HTRA3: variants seen among roughly 807,000 people sequenced by gnomAD.
HTRA3 encodes the protein serine protease HTRA3.
In HTRA3, 41 loss-of-function variants were observed where a neutral mutation model predicts 43.2. The ratio of observed to expected loss-of-function variants is 0.95; its 90% CI spans 0.74 to 1.23. The LOEUF (loss-of-function observed/expected upper bound fraction) is 1.23, where lower values mean the gene tolerates loss of function less well. Ranked by LOEUF, HTRA3 falls within the 50% of genes most tolerant of loss-of-function variation. The pLI is 0.00. For synonymous variants in HTRA3, 295 were observed against 287.9 expected (o/e 1.02, Z -0.25); for missense variants, 628 against 647.1 (o/e 0.97, Z 0.32).
In HTRA3 at chr4:8,270,036, C is replaced by G; in HGVS notation, c.68C>G (p.Ala23Gly). ...GCGCTGGCCCGGGAGCCCCCTGCGG[C>G]GCCGTGTCCCGCGCGCTGCGACGTG... is the stretch of plus-strand genomic sequence containing the variant. ...ALALAREPPAAPCPARCDVSR... is the reference protein window; with the variant it reads ...ALALAREPPAGPCPARCDVSR... Residue 23 changes from alanine (A) to glycine (G), a missense_variant, in exon 1 of 9, where the codon GCG becomes GGG. Ala to Gly is a moderately conservative substitution (Grantham distance 60). Coordinates refer to ENST00000307358, the MANE Select transcript of HTRA3 (RefSeq NM_053044.5). 4 of 1,379,928 alleles carry G rather than the reference C, an allele frequency of 2.9e-6. No individual in the cohort carries two copies. Among genetic ancestry groups the G allele is most frequent in the African/African-American group, 1.5e-5 (1 of 66,012 alleles). The allele number at this position is 1,379,928 out of a possible 1,614,324, so 85.5% of individuals were successfully genotyped here.
chr4:8,297,954 T>C lies in HTRA3; in HGVS notation c.1051+3753T>C, dbSNP rs1052352559. ...TGTCAGCCTTGTCCCTCTGTCCCTC[T>C]GTCCCTCTGGACTTCCCACATGCCT... On this transcript the variant is annotated intron_variant, in intron 6 of 8. Transcript: ENST00000307358. The surrounding 1 kb of genome is among the most constrained non-coding windows in gnomAD (Gnocchi z 5.8). Among the ~76,000 whole-genome samples the C allele has an allele frequency of 3.9e-5, 6 of 152,310 alleles. No individual in the cohort carries two copies. Among genetic ancestry groups the C allele is most frequent in the African/African-American group, 1.4e-4 (6 of 41,562 alleles).
At chr4:8,291,302 G>C (rs1035091552) in intron 3 of HTRA3, 68 bp from the exon 4 acceptor site, 1 of 1,396,952 alleles carries the variant, frequency 7.2e-7, no homozygotes, top group Non-Finnish European at 1.0e-6. Flanking sequence ...GCCAGGATCT[G>C]ACTCCGGTCC....
chr4:8,271,298 T>A (rs1014942461), intron 1 of HTRA3, among the ~76,000 whole-genome samples: 3 of 152,162 alleles, frequency 2.0e-5, no homozygotes, highest in East Asian at 1.9e-4. Flanking sequence ...AACTGAGCGC[T>A]CTATTCCTGT....
rs1168802351 is a variant in HTRA3, at chr4:8,282,505, C to T, written c.454C>T (p.Pro152Ser). The change falls in exon 2 of 9, where the codon CCA becomes TCA. Residue 152 changes from proline to serine, a missense_variant. By Grantham distance (74) the Pro-to-Ser change is moderately conservative. Transcript: ENST00000307358. ...FIADVVEKIA[P>S]AVVHIELFLR... ...TGCTGACGTGGTGGAGAAGATCGCA[C>T]CAGCCGTGGTCCACATAGAGCTCTT... The T allele has an allele frequency of 6.2e-7, 1 of 1,613,982 alleles. No individual in the cohort carries two copies. The highest frequency in any genetic ancestry group is 8.5e-7 in the Non-Finnish European group (1 of 1,179,976).
intron 2 of HTRA3, among the ~76,000 whole-genome samples, chr4:8,285,823 G>A (rs888349323): frequency 2.0e-5 from 3 of 152,236 alleles, no homozygotes; most frequent in African/African-American, 7.2e-5. Context: ...TGCCCTCGGG[G>A]TGTCCAGGGC....
At chr4:8,273,804 G>C (rs1712404697) in intron 1 of HTRA3, among the ~76,000 whole-genome samples, 1 of 149,646 alleles carries the variant, frequency 6.7e-6, no homozygotes, top group Non-Finnish European at 1.5e-5. Context: ...CATCAGTTTG[G>C]GACTTGGTGT....
rs1042970393 is a variant in HTRA3, at chr4:8,269,822, G to T, written c.-147G>T. The T allele has an allele frequency of 1.4e-5, 3 of 210,778 alleles. No individual in the cohort carries two copies. Among genetic ancestry groups the T allele is most frequent in the South Asian group, 1.7e-4 (1 of 6,044 alleles). 13.1% of individuals were successfully genotyped at this position (210,778 alleles called of 1,614,324 possible). ...GGATGCCCCTGCCGCCCTGACGCCCGCCAGCCTGAGCCACCGGCGCATGTG... is the reference window on the plus strand; with the variant it reads ...GGATGCCCCTGCCGCCCTGACGCCCTCCAGCCTGAGCCACCGGCGCATGTG... On this transcript the variant is annotated 5_prime_UTR_variant, in exon 1 of 9. Coordinates refer to ENST00000307358, the MANE Select transcript of HTRA3 (RefSeq NM_053044.5).
chr4:8,281,768 A>G (rs564524504), intron 1 of HTRA3, among the ~76,000 whole-genome samples: 4 of 152,334 alleles, frequency 2.6e-5, no homozygotes, highest in African/African-American at 9.6e-5. Context: ...GGCAGCAGGA[A>G]TCTGAGCCCG....
intron 3 of HTRA3, among the ~76,000 whole-genome samples, chr4:8,289,815 G>A (rs918732716): frequency 6.0e-5 from 9 of 150,942 alleles, no homozygotes; most frequent in Admixed American, 2.0e-4. Flanking sequence ...GTGCAGGGAG[G>A]ATGACTGACC....
At chr4:8,280,845 G>A (rs997705330) in intron 1 of HTRA3, among the ~76,000 whole-genome samples, 2 of 152,204 alleles carry the variant, frequency 1.3e-5, no homozygotes, top group East Asian at 3.9e-4. Flanking sequence ...CGGTTGAGAG[G>A]CAGACATCGG....
At position 8,269,936 on chromosome 4, in the gene HTRA3, C is replaced by T. The variant is rs1326180449; in HGVS notation, c.-33C>T. 1 of 1,033,084 alleles carries T rather than the reference C, an allele frequency of 9.7e-7. No individual in the cohort carries two copies. The highest frequency in any genetic ancestry group is 1.2e-6 in the Non-Finnish European group (1 of 858,948). The allele number at this position is 1,033,084 out of a possible 1,614,324, so 64.0% of individuals were successfully genotyped here. ...GTCCCCGCCGGCCCCCGCCCGGTCT[C>T]CCGCGCTGCCACCCGCCGCCGGCCC... On this transcript the variant is annotated 5_prime_UTR_variant, in exon 1 of 9. Transcript: ENST00000307358.
intron 1 of HTRA3, among the ~76,000 whole-genome samples, chr4:8,280,562 C>T (rs1295547447): frequency 2.0e-5 from 3 of 152,200 alleles, no homozygotes; most frequent in East Asian, 1.9e-4. Context: ...CCAAGGGAGC[C>T]GCCTGCTTTG....
At chr4:8,291,758 C>T (rs1372738478) in intron 4 of HTRA3, among the ~76,000 whole-genome samples, 194 bp downstream of exon 4, 1 of 152,230 alleles carries the variant, frequency 6.6e-6, no homozygotes, top group African/African-American at 2.4e-5. Flanking sequence ...GTGCCAGGCA[C>T]GCTGGGAGTC....
At chr4:8,276,515 A>C (rs1183027773) in intron 1 of HTRA3, among the ~76,000 whole-genome samples, 3 of 152,230 alleles carry the variant, frequency 2.0e-5, no homozygotes, top group African/African-American at 7.2e-5. Flanking sequence ...AGGGAGTTTC[A>C]TTGGCCCCGG....
At chr4:8,303,911 T>C (rs1045058967) in intron 7 of HTRA3, among the ~76,000 whole-genome samples, 1 of 152,132 alleles carries the variant, frequency 6.6e-6, no homozygotes. Context: ...CATCCATCCA[T>C]CCATCCATCC....
intron 1 of HTRA3, among the ~76,000 whole-genome samples, chr4:8,280,793 G>C (rs936298763): frequency 2.6e-5 from 4 of 152,228 alleles, no homozygotes; most frequent in Admixed American, 6.5e-5. Context: ...GATTCAGGCT[G>C]ACTGAAGTGG....
intron 1 of HTRA3, among the ~76,000 whole-genome samples, chr4:8,280,357 G>A (rs1048870553): frequency 6.6e-5 from 10 of 152,152 alleles, no homozygotes; most frequent in Admixed American, 3.9e-4. Context: ...CCTCTGGGTC[G>A]TGGAAATTGT....
chr4:8,282,182 G>A (rs532282217), intron 1 of HTRA3, among the ~76,000 whole-genome samples: 2 of 152,202 alleles, frequency 1.3e-5, no homozygotes, highest in African/African-American at 4.8e-5. Context: ...TCCAGTGAGG[G>A]GGGTGAGGAA....
At chr4:8,288,407 A>G (rs1713081597) in intron 3 of HTRA3, among the ~76,000 whole-genome samples, 2 of 150,260 alleles carry the variant, frequency 1.3e-5, no homozygotes, top group South Asian at 2.1e-4. Flanking sequence ...CCGAGTAGCT[A>G]GGATCACAGG....
Sources: allele counts gnomAD v4.1 joint callset (sites outside exome capture counted in the v4.1 genomes callset), GRCh38; gene constraint gnomAD v4.1.1; non-coding constraint Gnocchi (gnomAD v3.1); transcripts MANE v1.5; gene names NCBI Gene and HGNC (gene_info 2026-07-23, HGNC 2026-07-21).